Variants in KCNMA1 observed in about 807,000 individuals in gnomAD.
The protein encoded by KCNMA1 is Calcium-activated potassium channel subunit alpha-1.
Under a neutral mutation model 140.0 loss-of-function variants are expected in KCNMA1, and 29 were observed. That is an observed-to-expected ratio of 0.21 (90% CI 0.15 to 0.28). KCNMA1 has a LOEUF of 0.28. KCNMA1 is among the 10% of genes least tolerant of loss of function. The probability of loss-of-function intolerance (pLI) is 1.00; values close to 1 mark genes in which losing one functional copy is unlikely to be tolerated. For missense variants in KCNMA1, 880 were observed against 1,602.2 expected (o/e 0.55, Z 7.70); for synonymous variants, 612 against 611.9 (o/e 1.00, Z 0.00).
chr10:76,916,245 C>T (rs2052842170), intron 23 of KCNMA1, among the ~76,000 whole-genome samples: 1 of 152,072 alleles, frequency 6.6e-6, no homozygotes, highest in Non-Finnish European at 1.5e-5. Flanking sequence ...TATGTGGACA[C>T]AGGAAAATTG....
intron 1 of KCNMA1, among the ~76,000 whole-genome samples, chr10:77,597,654 T>C (rs1247284774): frequency 6.6e-6 from 1 of 152,182 alleles, no homozygotes; most frequent in Non-Finnish European, 1.5e-5. Flanking sequence ...TTCCTTCCCC[T>C]CCTTCTGTGA....
At chr10:77,206,381 G>A (rs761096141) in intron 3 of KCNMA1, among the ~76,000 whole-genome samples, 14 of 152,184 alleles carry the variant, frequency 9.2e-5, no homozygotes, top group Non-Finnish European at 8.8e-5. Flanking sequence ...ATTGAGTGGT[G>A]TTGTGGAGTT....
chr10:76,971,675 C>T (rs2076128347), intron 19 of KCNMA1, among the ~76,000 whole-genome samples: 1 of 152,124 alleles, frequency 6.6e-6, no homozygotes. Flanking sequence ...CAAGCTCAGG[C>T]CGAGACTGTA....
intron 23 of KCNMA1, among the ~76,000 whole-genome samples, chr10:76,918,364 C>T (rs1468881821): frequency 6.6e-6 from 1 of 152,252 alleles, no homozygotes; most frequent in Non-Finnish European, 1.5e-5. Flanking sequence ...AAATCATCCA[C>T]AGCCAAAGCT....
At chr10:76,980,563 C>A (rs1362491879) in intron 19 of KCNMA1, 4 of 152,196 alleles carry the variant, frequency 2.6e-5, no homozygotes, top group Non-Finnish European at 5.9e-5. Flanking sequence ...GTGGGACAAT[C>A]TTTAAGTCTG....
intron 1 of KCNMA1, among the ~76,000 whole-genome samples, chr10:77,425,676 T>C (rs1236267018): frequency 1.3e-5 from 2 of 152,202 alleles, no homozygotes; most frequent in Non-Finnish European, 1.5e-5. Context: ...ACAACAGGGC[T>C]GTGATACTCA....
intron 9 of KCNMA1, chr10:77,091,221 C>T (rs1336324234): frequency 1.3e-5 from 2 of 152,678 alleles, no homozygotes; most frequent in Non-Finnish European, 2.9e-5. Flanking sequence ...TTAGGGTGCC[C>T]GGGATTTCCA....
intron 13 of KCNMA1, among the ~76,000 whole-genome samples, chr10:77,074,289 T>C (rs1427372373): frequency 6.6e-6 from 1 of 152,240 alleles, no homozygotes; most frequent in Non-Finnish European, 1.5e-5. Context: ...GTTTACTTTT[T>C]AGAAGTGCTC....
intron 1 of KCNMA1, among the ~76,000 whole-genome samples, chr10:77,496,596 C>CAAAAAAAAAA (rs201304328): frequency 1.6e-5 from 1 of 62,974 alleles, no homozygotes. Context: ...GACACTGTCT[C>CAAAAAAAAAA]AAAAAAAAAA....
intron 1 of KCNMA1, among the ~76,000 whole-genome samples, chr10:77,563,693 C>T (rs1458055072): frequency 6.6e-6 from 1 of 152,180 alleles, no homozygotes; most frequent in Non-Finnish European, 1.5e-5. Flanking sequence ...TTCCAACGAA[C>T]CTCCGGAATT....
At chr10:76,947,180 C>CAA (rs113200405) in intron 22 of KCNMA1, among the ~76,000 whole-genome samples, 58,455 of 150,628 alleles carry the variant, frequency 0.39, 12,907 homozygotes, top group Non-Finnish European at 0.51. Flanking sequence ...ACTGAAAATA[C>CAA]AAAAAAAGTA....
intron 19 of KCNMA1, among the ~76,000 whole-genome samples, chr10:77,000,163 C>CT (rs1435592257): frequency 1.3e-5 from 2 of 152,140 alleles, no homozygotes; most frequent in African/African-American, 4.8e-5. Flanking sequence ...GCTCTGAGCA[C>CT]TTGGAAGGTG....
chr10:77,183,333 G>A (rs55976351), intron 5 of KCNMA1, 88 bp downstream of exon 5: 35,454 of 855,344 alleles, frequency 0.041, 981 homozygotes, highest in Non-Finnish European at 0.054. Flanking sequence ...ATTGTTTGTA[G>A]GGAGACAGCC....
intron 22 of KCNMA1, chr10:76,948,824 A>T (rs1367405384): frequency 7.2e-6 from 3 of 414,932 alleles, no homozygotes; most frequent in Admixed American, 3.6e-5. Context: ...CTTACTATAA[A>T]CATCATAATA....
intron 1 of KCNMA1, among the ~76,000 whole-genome samples, chr10:77,620,742 T>C (rs2091102432): frequency 6.6e-6 from 1 of 152,226 alleles, no homozygotes; most frequent in African/African-American, 2.4e-5. Flanking sequence ...AAATTCTTGA[T>C]GTTTCTGTTA....
At chr10:77,495,422 C>A (rs2154543331) in intron 1 of KCNMA1, among the ~76,000 whole-genome samples, 1 of 152,316 alleles carries the variant, frequency 6.6e-6, no homozygotes, top group South Asian at 2.1e-4. Flanking sequence ...GTCACGACAC[C>A]TTCCTGGTCT....
At chr10:76,977,218 G>A (rs2077893627) in intron 19 of KCNMA1, among the ~76,000 whole-genome samples, 1 of 152,148 alleles carries the variant, frequency 6.6e-6, no homozygotes, top group Non-Finnish European at 1.5e-5. Flanking sequence ...GCCACATCCT[G>A]GGCACCAACA....
chr10:77,484,677 A>G lies in KCNMA1; in HGVS notation c.379-80654T>C, dbSNP rs141852765. ...ATGGTTCTCAATCTTGCCTATCATC[A>G]GCATCACCTGGACAAATGGTCCAAA... On this transcript the variant is annotated intron_variant, in intron 1 of 27. Transcript: ENST00000286628. Among the ~76,000 whole-genome samples the G allele has an allele frequency of 4.1e-3, 623 of 152,320 alleles. 3 individuals are homozygous for G. Among genetic ancestry groups the G allele is most frequent in the African/African-American group, 0.015 (606 of 41,586 alleles).
chr10:77,081,343 C>T (rs532964498), intron 12 of KCNMA1, among the ~76,000 whole-genome samples: 60 of 152,288 alleles, frequency 3.9e-4, no homozygotes, highest in African/African-American at 1.4e-3. Context: ...ATTAAAAGTT[C>T]TCTCCACGTG....
Sources: allele counts gnomAD v4.1 joint callset (sites outside exome capture counted in the v4.1 genomes callset), GRCh38; gene constraint gnomAD v4.1.1; transcripts MANE v1.5; gene names NCBI Gene and HGNC (gene_info 2026-07-23, HGNC 2026-07-21).